FIBCD1: variants seen among roughly 807,000 people sequenced by gnomAD.
FIBCD1 encodes fibrinogen C domain-containing protein 1.
Under a neutral mutation model 45.1 loss-of-function variants are expected in FIBCD1, and 47 were observed. That is an observed-to-expected ratio of 1.04 (90% confidence interval 0.82 to 1.33). The LOEUF (loss-of-function observed/expected upper bound fraction) is 1.33. Among genes scored for constraint, FIBCD1 ranks in the 40% most tolerant of loss-of-function variants. The pLI is 0.00. For missense variants in FIBCD1, 653 were observed against 682.2 expected, an observed-to-expected ratio of 0.96 and a Z score of 0.48; for synonymous variants, 313 against 308.1, an observed-to-expected ratio of 1.02 and a Z score of -0.17.
chr9:130,927,976 A>G (rs147740685), intron 2 of FIBCD1, among the ~76,000 whole-genome samples: 153 of 152,230 alleles, frequency 1.0e-3, no homozygotes, highest in African/African-American at 3.3e-3. Flanking sequence ...CTGCCTTTTA[A>G]CAAGCACCTC....
chr9:130,906,786 C>T (rs988959392), intron 5 of FIBCD1, among the ~76,000 whole-genome samples: 22 of 152,248 alleles, frequency 1.4e-4, no homozygotes, highest in African/African-American at 5.1e-4. Context: ...CTCAGCCCTT[C>T]GTGCAGATGA....
intron 1 of FIBCD1, among the ~76,000 whole-genome samples, chr9:130,937,839 A>C (rs1832542029): frequency 6.6e-6 from 1 of 152,024 alleles, no homozygotes. Flanking sequence ...GGCACCCTCC[A>C]AGCCCCACCT....
At chr9:130,927,473 C>T (rs1832379841) in intron 2 of FIBCD1, among the ~76,000 whole-genome samples, 1 of 152,182 alleles carries the variant, frequency 6.6e-6, no homozygotes, top group South Asian at 2.1e-4. Flanking sequence ...CAAGACCCAG[C>T]CCAGAGAGGG....
chr9:130,904,477 G>A (rs1213957361), intron 6 of FIBCD1, among the ~76,000 whole-genome samples, 154 bp from the exon 7 acceptor site: 1 of 152,252 alleles, frequency 6.6e-6, no homozygotes, highest in East Asian at 1.9e-4. Context: ...GTGCACGCGT[G>A]CAAGCGCACC....
At chr9:130,911,429 G>GGTCCTCCTCT (rs777737940) in intron 5 of FIBCD1, among the ~76,000 whole-genome samples, 1 of 152,286 alleles carries the variant, frequency 6.6e-6, no homozygotes, top group African/African-American at 2.4e-5. Context: ...GGTGGGGCCG[G>GGTCCTCCTCT]GTCCTCCTCT....
intron 4 of FIBCD1, among the ~76,000 whole-genome samples, chr9:130,912,243 A>G (rs985723036): frequency 2.0e-5 from 3 of 151,864 alleles, no homozygotes; most frequent in Non-Finnish European, 4.4e-5. Flanking sequence ...CCATCTTTAC[A>G]AAAAATTTAA....
At chr9:130,929,328 G>A (rs538343794) in intron 2 of FIBCD1, among the ~76,000 whole-genome samples, 5 of 152,286 alleles carry the variant, frequency 3.3e-5, no homozygotes, top group South Asian at 2.1e-4. Context: ...ACAGTTTACC[G>A]GGTCACCGGG....
chr9:130,915,931 G>T (rs1832151263), intron 4 of FIBCD1, among the ~76,000 whole-genome samples: 1 of 149,646 alleles, frequency 6.7e-6, no homozygotes, highest in Non-Finnish European at 1.5e-5. Context: ...GACGTGCATA[G>T]ATATTTTCTT....
intron 2 of FIBCD1, among the ~76,000 whole-genome samples, chr9:130,927,317 C>A (rs1194548440): frequency 1.3e-5 from 2 of 152,020 alleles, no homozygotes; most frequent in Non-Finnish European, 2.9e-5. Context: ...AATTTCAGCT[C>A]ACAAACAATT....
In FIBCD1 at chr9:130,924,340, G is replaced by C; in HGVS notation, c.609C>G (p.Ile203Met). The C allele has an allele frequency of 6.2e-7, 1 of 1,608,904 alleles. No homozygotes were observed. The highest frequency in any genetic ancestry group is 1.7e-5 in the Admixed American group (1 of 59,660). The change falls in exon 3 of 7, where the codon ATC becomes ATG. Residue 203 changes from isoleucine to methionine, a missense_variant. Physicochemically the swap from Ile to Met is conservative, Grantham distance 10. Transcript: ENST00000372338. ...CCCGGTCCCTCTGCAGGGCATCCAG[G>C]ATGTCGCTGACGGAGTTCACCAGGT... ...MAHLVNSVSD[I>M]LDALQRDRGL...
At chr9:130,910,549 C>G (rs1017236508) in intron 5 of FIBCD1, among the ~76,000 whole-genome samples, 1 of 152,270 alleles carries the variant, frequency 6.6e-6, no homozygotes, top group Non-Finnish European at 1.5e-5. Context: ...CCTGCAGTCC[C>G]GGTGCGGGAT....
At chr9:130,924,670 C>T (rs1044414988) in intron 2 of FIBCD1, among the ~76,000 whole-genome samples, 1 of 152,208 alleles carries the variant, frequency 6.6e-6, no homozygotes, top group Non-Finnish European at 1.5e-5. Context: ...ACCTGCCACC[C>T]CTGCTGCCCC....
At chr9:130,932,812 A>G (rs967442012) in intron 1 of FIBCD1, among the ~76,000 whole-genome samples, 2 of 152,148 alleles carry the variant, frequency 1.3e-5, no homozygotes, top group African/African-American at 2.4e-5. Context: ...TTCCCTGCCT[A>G]AAGTATGGCT....
rs1831880294 is a variant in FIBCD1 at position 130,904,033 on chromosome 9, A to G, written c.*31T>C. 1.2e-6 allele frequency: 2 copies of G among 1,608,226 alleles called. No individual in the cohort carries two copies. Among genetic ancestry groups the G allele is most frequent in the African/African-American group, 2.7e-5 (2 of 74,928 alleles). On this transcript the variant is annotated 3_prime_UTR_variant, in exon 7 of 7. Transcript: ENST00000372338. ...TGGGGTCGGGGATGGGGCGACAGGG[A>G]CCAGCAGGGCCAAGGACAAGGTGCA...
chr9:130,924,184 C>A, intron 3 of FIBCD1, 53 bp downstream of exon 3: 1 of 1,503,506 alleles, frequency 6.7e-7, no homozygotes, highest in Non-Finnish European at 8.9e-7. Context: ...CTTCCCCGCT[C>A]CCCAGAGCTG....
At chr9:130,914,029 G>A (rs1352703429) in intron 4 of FIBCD1, among the ~76,000 whole-genome samples, 1 of 152,076 alleles carries the variant, frequency 6.6e-6, no homozygotes, top group East Asian at 1.9e-4. Context: ...CAGCACCCAC[G>A]TCTGTAAAGC....
chr9:130,912,429 G>A (rs895290750), intron 4 of FIBCD1, among the ~76,000 whole-genome samples: 2 of 149,492 alleles, frequency 1.3e-5, no homozygotes, highest in Admixed American at 6.7e-5. Context: ...GGGGTGGGCC[G>A]GGCACGGTGA....
At position 130,924,234 on chromosome 9, in the gene FIBCD1, C is replaced by A; in HGVS notation, c.712+3G>T. 6.3e-7 allele frequency: 1 copy of A among 1,586,498 alleles called. No homozygotes were observed. The highest frequency in any genetic ancestry group is 2.3e-5 in the East Asian group (1 of 44,210). ...GGAGGAAGGCAGGCCCTGCCCCACT[C>A]ACCAGTGGCACAGCCCCGGGGCCGG... is the stretch of plus-strand genomic sequence containing the variant. On this transcript the variant is annotated splice_donor_region_variant and intron_variant, in intron 3 of 6. Transcript: ENST00000372338.
At chr9:130,912,318 A>G (rs7868674) in intron 4 of FIBCD1, among the ~76,000 whole-genome samples, 79,003 of 148,790 alleles carry the variant, frequency 0.53, 22,984 homozygotes, top group African/African-American at 0.78. Context: ...AGGCAGAAGG[A>G]TCCCTTGAGC....
Sources: allele counts gnomAD v4.1 joint callset (sites outside exome capture counted in the v4.1 genomes callset), GRCh38; gene constraint gnomAD v4.1.1; transcripts MANE v1.5; gene names NCBI Gene and HGNC (gene_info 2026-07-23, HGNC 2026-07-21).